PTPRR: variants seen among roughly 807,000 people sequenced by gnomAD.
PTPRR encodes the protein receptor-type tyrosine-protein phosphatase R.
Under a neutral mutation model 77.2 loss-of-function variants are expected in PTPRR, and 38 were observed. The observed-to-expected ratio is 0.49, with a 90% CI of 0.38 to 0.65. The LOEUF is 0.65. Among genes scored for constraint, PTPRR ranks in the 30% least tolerant of loss-of-function variants. PTPRR has a pLI of 0.00. For missense variants in PTPRR, 744 were observed against 799.2 expected, an observed-to-expected ratio of 0.93 and a Z score of 0.83; for synonymous variants, 299 against 283.1, an observed-to-expected ratio of 1.06 and a Z score of -0.57.
At chr12:70,893,049 G>T (rs1446335517) in intron 1 of PTPRR, 72 bp from the exon 2 acceptor site, 1 of 1,480,778 alleles carries the variant, frequency 6.8e-7, no homozygotes, top group Non-Finnish European at 9.2e-7. Flanking sequence ...ATCTGATGAA[G>T]AGGATTACCC....
At chr12:70,762,910 TATG>T (rs1319428654) in intron 3 of PTPRR, among the ~76,000 whole-genome samples, 2 of 152,188 alleles carry the variant, frequency 1.3e-5, no homozygotes, top group Non-Finnish European at 2.9e-5. Context: ...TCTCTGAGGA[TATG>T]ATAAGCATAT....
chr12:70,699,769 T>A (rs1888354949), intron 7 of PTPRR, among the ~76,000 whole-genome samples: 1 of 152,204 alleles, frequency 6.6e-6, no homozygotes, highest in African/African-American at 2.4e-5. Context: ...GGAAAACACA[T>A]GTTCATGTTT....
intron 8 of PTPRR, among the ~76,000 whole-genome samples, chr12:70,690,005 C>T (rs1431176941): frequency 6.6e-6 from 1 of 152,146 alleles, no homozygotes; most frequent in East Asian, 1.9e-4. Flanking sequence ...AAGTGATGCG[C>T]GTGACTTTTA....
At chr12:70,915,348 G>C (rs56080497) in intron 1 of PTPRR, among the ~76,000 whole-genome samples, 24,319 of 152,108 alleles carry the variant, frequency 0.16, 2,152 homozygotes, top group African/African-American at 0.23. Flanking sequence ...ATGCATCCCA[G>C]AATTTTTACA....
At chr12:70,817,638 G>A (rs1045090721) in intron 2 of PTPRR, among the ~76,000 whole-genome samples, 2 of 152,170 alleles carry the variant, frequency 1.3e-5, no homozygotes, top group African/African-American at 2.4e-5. Context: ...AAGATTGAGA[G>A]TGATTCCAAA....
At chr12:70,874,276 T>C (rs1893011187) in intron 2 of PTPRR, among the ~76,000 whole-genome samples, 1 of 152,124 alleles carries the variant, frequency 6.6e-6, no homozygotes, top group Non-Finnish European at 1.5e-5. Flanking sequence ...TTTTCAAACA[T>C]ATCAGAGACA....
intron 2 of PTPRR, among the ~76,000 whole-genome samples, chr12:70,825,243 A>G (rs1401266449): frequency 6.6e-6 from 1 of 152,080 alleles, no homozygotes; most frequent in African/African-American, 2.4e-5. Context: ...GCGCCACTAC[A>G]CTCCAGCCTG....
Position 70,684,125 on chromosome 12 carries a change from A to G in PTPRR, c.1497+2T>C. On this transcript the variant is annotated splice_donor_variant, in intron 10 of 13. Coordinates refer to ENST00000283228, the MANE Select transcript of PTPRR (RefSeq NM_002849.4). LOFTEE classifies it high-confidence loss of function. ...CATTCAGAACTTGATTAAAGATCAT[A>G]CCTCATTTTTTTCTTTGAGTTTTGT... The G allele has an allele frequency of 6.2e-7, 1 of 1,613,626 alleles. No individual in the cohort carries two copies. The highest frequency in any genetic ancestry group is 2.2e-5 in the East Asian group (1 of 44,870).
chr12:70,841,379 T>C (rs1454162125), intron 2 of PTPRR, among the ~76,000 whole-genome samples: 1 of 152,178 alleles, frequency 6.6e-6, no homozygotes, highest in African/African-American at 2.4e-5. Flanking sequence ...TCCACATTTC[T>C]TATTTTTTTT....
intron 2 of PTPRR, among the ~76,000 whole-genome samples, chr12:70,842,085 G>A (rs1892407011): frequency 6.6e-6 from 1 of 152,014 alleles, no homozygotes; most frequent in Non-Finnish European, 1.5e-5. Context: ...GCCCTACAAA[G>A]CAATTCCTAT....
intron 2 of PTPRR, among the ~76,000 whole-genome samples, chr12:70,856,865 G>A (rs1013222616): frequency 6.6e-6 from 1 of 151,638 alleles, no homozygotes; most frequent in African/African-American, 2.4e-5. Flanking sequence ...GAGAGAGAGA[G>A]AATCTACTGT....
intron 2 of PTPRR, among the ~76,000 whole-genome samples, chr12:70,769,857 A>G (rs951432890): frequency 3.3e-5 from 5 of 152,094 alleles, no homozygotes; most frequent in Non-Finnish European, 5.9e-5. Flanking sequence ...ATAACGCCGC[A>G]TATCTACAAC....
At chr12:70,677,694 G>A (rs768411276) in intron 10 of PTPRR, among the ~76,000 whole-genome samples, 38 of 152,108 alleles carry the variant, frequency 2.5e-4, no homozygotes, top group Non-Finnish European at 4.6e-4. Context: ...TTCTGTTAAC[G>A]TGATGTATCA....
At chr12:70,792,598 TA>T (rs1351311270) in intron 2 of PTPRR, among the ~76,000 whole-genome samples, 1 of 152,200 alleles carries the variant, frequency 6.6e-6, no homozygotes, top group Non-Finnish European at 1.5e-5. Flanking sequence ...AAAGATAGTT[TA>T]AAACCTTTAA....
chr12:70,920,597 G>A lies in PTPRR; in HGVS notation c.-207C>T. 1.9e-6 allele frequency: 1 copy of A among 534,126 alleles called. No homozygotes were observed. The allele number at this position is 534,126 out of a possible 1,614,324, so 33.1% of individuals were successfully genotyped here. A position where few individuals can be genotyped will look rare whatever the true frequency, so the allele number is the denominator to read the frequency against. On this transcript the variant is annotated 5_prime_UTR_variant, in exon 1 of 14. Coordinates refer to ENST00000283228, the MANE Select transcript of PTPRR (RefSeq NM_002849.4). ...GAGAGGGAGAGAGGAAGAGCAGTAGGAGGTTGCGGGTAAGGGGAACAGAAG... is the reference window on the plus strand; with the variant it reads ...GAGAGGGAGAGAGGAAGAGCAGTAGAAGGTTGCGGGTAAGGGGAACAGAAG...
At chr12:70,756,286 C>T (rs912392998) in intron 4 of PTPRR, among the ~76,000 whole-genome samples, 10 of 139,144 alleles carry the variant, frequency 7.2e-5, no homozygotes, top group African/African-American at 2.6e-4. Flanking sequence ...GTTAGAAAGA[C>T]ACGTTTTAAA....
chr12:70,795,913 A>ATTTTTTTTTTTTTTTTTTT lies in PTPRR; in HGVS notation c.358-31154_358-31136dup, dbSNP rs71437157. ...TATATGTTCAAAATGTATTTAGTAG[A>ATTTTTTTTTTTTTTTTTTT]TTTTTTTTTTTTTTTTTTTTTTTTT... On this transcript the variant is annotated intron_variant, in intron 2 of 13. Coordinates refer to ENST00000283228, the MANE Select transcript of PTPRR (RefSeq NM_002849.4). Among the ~76,000 whole-genome samples the ATTTTTTTTTTTTTTTTTTT allele has an allele frequency of 1.0e-4, 9 of 88,390 alleles. 3 individuals carry two copies. Among genetic ancestry groups the ATTTTTTTTTTTTTTTTTTT allele is most frequent in the Non-Finnish European group, 1.8e-4 (8 of 45,282 alleles). The allele number at this position is 88,390 out of a possible 152,430, so 58.0% of individuals were successfully genotyped here.
intron 6 of PTPRR, among the ~76,000 whole-genome samples, chr12:70,734,802 C>G (rs1304005756): frequency 6.6e-6 from 1 of 152,148 alleles, no homozygotes; most frequent in Non-Finnish European, 1.5e-5. Context: ...CAGGCCTGTG[C>G]TTTCCAATGA....
chr12:70,764,396 A>T (rs1012314256), intron 3 of PTPRR, among the ~76,000 whole-genome samples: 4 of 152,138 alleles, frequency 2.6e-5, no homozygotes, highest in African/African-American at 9.7e-5. Context: ...GAGTTAACAA[A>T]CTTCCTCTAT....
Sources: gnomAD v4.1 joint callset for allele counts (sites outside exome capture counted in the v4.1 genomes callset) on GRCh38, gnomAD v4.1.1 for gene constraint, MANE v1.5 for transcripts, NCBI Gene and HGNC (gene_info 2026-07-23, HGNC 2026-07-21) for gene names.